Variants in SCFD1 observed in about 807,000 individuals in gnomAD.
SCFD1 encodes the protein sec1 family domain containing 1.
SCFD1 carries 37 observed loss-of-function variants against 103.2 expected under a neutral mutation model. That is an observed-to-expected ratio of 0.36 (90% CI 0.28 to 0.47). The LOEUF (loss-of-function observed/expected upper bound fraction) is 0.47. Among genes scored for constraint, SCFD1 ranks in the 20% least tolerant of loss-of-function variants. The probability of loss-of-function intolerance (pLI) is 1.00; values close to 1 mark genes in which losing one functional copy is unlikely to be tolerated. For synonymous variants in SCFD1, 264 were observed against 245.0 expected (o/e 1.08, Z -0.73); for missense variants, 639 against 761.2 (o/e 0.84, Z 1.89).
chr14:30,658,561 T>G (rs1206206007), intron 10 of SCFD1, among the ~76,000 whole-genome samples: 1 of 151,818 alleles, frequency 6.6e-6, no homozygotes, highest in Non-Finnish European at 1.5e-5. Flanking sequence ...CCCGGCTAAT[T>G]TTTGTATGTT....
At chr14:30,658,265 T>C (rs1357697899) in intron 10 of SCFD1, 1 of 254,030 alleles carries the variant, frequency 3.9e-6, no homozygotes, top group East Asian at 8.8e-5. Context: ...GTTATACTAA[T>C]AGACATAGGG....
intron 20 of SCFD1, 36 bp downstream of exon 20, chr14:30,716,013 G>A (rs367967259): frequency 1.1e-5 from 13 of 1,221,920 alleles, no homozygotes; most frequent in Middle Eastern, 1.9e-4. Flanking sequence ...GTAAATTCCC[G>A]AATGTGTCAA....
rs983071723 is a variant in SCFD1 at position 30,722,787 on chromosome 14, T to G, written c.1836+228T>G. On this transcript the variant is annotated intron_variant, in intron 23 of 24. Transcript: ENST00000458591. ...AAAACAATGTATCTTATTGATATAA[T>G]GCACTTTGCAGCTACCTGTCTTAAT... is the stretch of plus-strand genomic sequence containing the variant. 1.3e-5 allele frequency: 4 copies of G among 310,180 alleles called. No individual in the cohort carries two copies. In the Admixed American group the frequency reaches 1.5e-4, roughly 11 times the overall value. The allele number at this position is 310,180 out of a possible 1,614,324, so 19.2% of individuals were successfully genotyped here.
chr14:30,628,079 A>G lies in SCFD1; in HGVS notation c.62-130A>G, dbSNP rs1195508069. On this transcript the variant is annotated intron_variant, in intron 1 of 24. Transcript: ENST00000458591. The stretch of plus-strand genomic sequence containing the variant: ...AGATCTGACCCCTAGTTCTACACAT[A>G]TAGTCATTTGGTTAATCAGTTTTAC... 7 of 609,532 alleles carry G rather than the reference A, an allele frequency of 1.1e-5. No individual in the cohort carries two copies. The East Asian group carries it at 2.0e-4, about 18-fold the overall frequency. 37.8% of individuals were successfully genotyped at this position (609,532 alleles called of 1,614,324 possible).
At chr14:30,682,807 A>G (rs911994671) in intron 14 of SCFD1, among the ~76,000 whole-genome samples, 1 of 152,210 alleles carries the variant, frequency 6.6e-6, no homozygotes, top group Non-Finnish European at 1.5e-5. Flanking sequence ...GGTGTAGGTG[A>G]TATTCTAAAA....
At chr14:30,657,865 G>A (rs1887057955) in intron 10 of SCFD1, among the ~76,000 whole-genome samples, 1 of 151,722 alleles carries the variant, frequency 6.6e-6, no homozygotes, top group Admixed American at 6.6e-5. Context: ...ATTGATAATT[G>A]TTTATATATT....
chr14:30,657,123 C>G (rs1401432599), intron 10 of SCFD1, among the ~76,000 whole-genome samples: 1 of 151,700 alleles, frequency 6.6e-6, no homozygotes, highest in Non-Finnish European at 1.5e-5. Flanking sequence ...GGTGTTAAGG[C>G]AATCTAAAAC....
chr14:30,721,927 A>G lies in SCFD1; in HGVS notation c.1770+10A>G, dbSNP rs1315364121. On this transcript the variant is annotated intron_variant, in intron 22 of 24. Transcript: ENST00000458591. Reference sequence around the variant, plus strand: ...AAATCCATTCCAAGAGGTAAGTTTCATATAAAAATTCTCTGTTCCTAGAAA... The same window carrying G: ...AAATCCATTCCAAGAGGTAAGTTTCGTATAAAAATTCTCTGTTCCTAGAAA... 6.3e-7 allele frequency: 1 copy of G among 1,596,736 alleles called. No individual in the cohort carries two copies. The highest frequency in any genetic ancestry group is 8.6e-7 in the Non-Finnish European group (1 of 1,165,176).
intron 19 of SCFD1, among the ~76,000 whole-genome samples, chr14:30,714,246 C>T (rs1409595696): frequency 4.0e-5 from 6 of 150,684 alleles, no homozygotes; most frequent in Admixed American, 2.0e-4. Context: ...CCCAGCTACT[C>T]GGGAGGCTGA....
chr14:30,654,190 T>C (rs573404397), intron 10 of SCFD1, among the ~76,000 whole-genome samples: 1 of 152,328 alleles, frequency 6.6e-6, no homozygotes, highest in East Asian at 1.9e-4. Context: ...ACAAATAATT[T>C]CTCTATGAGA....
intron 15 of SCFD1, among the ~76,000 whole-genome samples, chr14:30,695,380 T>C (rs1890622127): frequency 6.6e-6 from 1 of 152,214 alleles, no homozygotes; most frequent in Non-Finnish European, 1.5e-5. Flanking sequence ...ATATGATCTA[T>C]GGAGGCCAAT....
intron 1 of SCFD1, 115 bp downstream of exon 1, chr14:30,622,514 C>G: frequency 7.0e-7 from 1 of 1,435,656 alleles, no homozygotes; most frequent in South Asian, 1.5e-5. Context: ...GTCCCTAGAA[C>G]ATCAAGAGCC....
rs142089999 is a variant in SCFD1 at position 30,684,474 on chromosome 14, T to A, written c.1242+9409T>A. Among the ~76,000 whole-genome samples, 243 of 152,344 alleles carry A rather than the reference T, an allele frequency of 1.6e-3. 3 individuals are homozygous for A. Among genetic ancestry groups the A allele is most frequent in the East Asian group, 1.5e-3 (8 of 5,194 alleles). ...GTATGTGCGCACAGCATGTTAATGT[T>A]AATTTGATATAATATAAATTGAGGC... On this transcript the variant is annotated intron_variant, in intron 14 of 24. Coordinates refer to ENST00000458591, the MANE Select transcript of SCFD1 (RefSeq NM_016106.4).
chr14:30,707,947 C>T (rs1433974410), intron 18 of SCFD1, 43 bp from the exon 19 acceptor site: 1 of 1,282,586 alleles, frequency 7.8e-7, no homozygotes, highest in Non-Finnish European at 1.1e-6. Flanking sequence ...ATTGGAGAGG[C>T]ACTTTGTACT....
At chr14:30,623,896 A>T (rs1347299780) in intron 1 of SCFD1, among the ~76,000 whole-genome samples, 2 of 152,156 alleles carry the variant, frequency 1.3e-5, no homozygotes, top group African/African-American at 4.8e-5. Context: ...CCTATGGAGA[A>T]TGTTTTGGGA....
chr14:30,634,003 T>C lies in SCFD1; in HGVS notation c.278T>C (p.Met93Thr), dbSNP rs200693369. Reference sequence around the variant, plus strand: ...GATGTTCCTGCAGTATACTTTGTAATGCCAACTGAAGAAAATATTGACAGA... The same window carrying C: ...GATGTTCCTGCAGTATACTTTGTAACGCCAACTGAAGAAAATATTGACAGA... ...IPDVPAVYFV[M>T]PTEENIDRMC... The change falls in exon 4 of 25, where the codon ATG (methionine) becomes ACG (threonine). Residue 93 changes from methionine to threonine, a missense_variant. Physicochemically the swap from Met to Thr is moderately conservative, Grantham distance 81. Coordinates refer to ENST00000458591, the MANE Select transcript of SCFD1 (RefSeq NM_016106.4). The C allele has an allele frequency of 4.4e-6, 7 of 1,600,748 alleles. No homozygotes were observed. The Admixed American group carries it at 1.0e-4, about 23-fold the overall frequency.
intron 10 of SCFD1, among the ~76,000 whole-genome samples, chr14:30,669,545 G>T (rs1053605962): frequency 1.1e-4 from 16 of 150,372 alleles, no homozygotes; most frequent in Admixed American, 2.7e-4. Context: ...GTTTTGGGGG[G>T]TTTTTTGGTT....
intron 1 of SCFD1, among the ~76,000 whole-genome samples, chr14:30,627,213 C>T (rs1883561690): frequency 1.3e-5 from 2 of 152,118 alleles, no homozygotes; most frequent in Admixed American, 6.5e-5. Flanking sequence ...ACACAAAATA[C>T]TGTAACAGAC....
Position 30,721,879 on chromosome 14 carries a change from T to C in SCFD1, c.1737-5T>C, listed in dbSNP as rs771113504. 3 of 1,608,028 alleles carry C rather than the reference T, an allele frequency of 1.9e-6. No individual in the cohort carries two copies. In the South Asian group the frequency reaches 3.3e-5, roughly 18 times the overall value. On this transcript the variant is annotated splice_region_variant and splice_polypyrimidine_tract_variant and intron_variant, in intron 21 of 24. Coordinates refer to ENST00000458591, the MANE Select transcript of SCFD1 (RefSeq NM_016106.4). ...AATTTTCATTACGGTTTTTCTTTAT[T>C]ACAGCTCAGTTCCCAGAAATAAAAA...
Sources: gnomAD v4.1 joint callset for allele counts (sites outside exome capture counted in the v4.1 genomes callset) on GRCh38, gnomAD v4.1.1 for gene constraint, MANE v1.5 for transcripts, NCBI Gene and HGNC (gene_info 2026-07-23, HGNC 2026-07-21) for gene names.